Variants in LRRIQ1 observed in about 807,000 individuals in gnomAD.
LRRIQ1 encodes leucine-rich repeat- and IQ domain-containing protein 1.
LRRIQ1 carries 210 observed loss-of-function variants against 211.9 expected under a neutral mutation model. The observed-to-expected ratio is 0.99, with a 90% CI of 0.89 to 1.11. LRRIQ1 has a LOEUF of 1.11. Ranked by LOEUF, LRRIQ1 falls within the 50% of genes most tolerant of loss-of-function variation. The pLI is 0.00. For missense variants in LRRIQ1, 2,136 were observed against 1,939.5 expected, an observed-to-expected ratio of 1.10 and a Z score of -1.90; for synonymous variants, 699 against 650.1, an observed-to-expected ratio of 1.08 and a Z score of -1.14.
At chr12:85,194,401 A>C (rs1393541783) in intron 24 of LRRIQ1, among the ~76,000 whole-genome samples, 2 of 144,586 alleles carry the variant, frequency 1.4e-5, no homozygotes, top group Admixed American at 7.1e-5. Context: ...CACCTATTCC[A>C]AAATTGACCA....
At chr12:85,270,572 G>C in the LRRIQ1 span, among the ~76,000 whole-genome samples, 1 of 151,950 alleles carries the variant, frequency 6.6e-6, no homozygotes. Flanking sequence ...AGTTGAATCT[G>C]TTTCTGCTTT....
downstream of LRRIQ1, among the ~76,000 whole-genome samples, chr12:85,267,530 G>A (rs151032383): frequency 1.9e-4 from 29 of 152,090 alleles, no homozygotes; most frequent in Non-Finnish European, 3.8e-4. Context: ...ACTTTCATAT[G>A]GATGTGAGGT....
intron 24 of LRRIQ1, among the ~76,000 whole-genome samples, chr12:85,211,667 C>T (rs894361219): frequency 3.3e-5 from 5 of 152,034 alleles, no homozygotes; most frequent in African/African-American, 1.2e-4. Flanking sequence ...CACATCTTGC[C>T]TCACATATTG....
At position 85,127,838 on chromosome 12, in the gene LRRIQ1, A is replaced by C. The variant is rs1888477505; in HGVS notation, c.4014A>C (p.Ala1338=). 6.2e-7 allele frequency: 1 copy of C among 1,613,686 alleles called. No homozygotes were observed. ...TTTTTTCTCCTCTTAATAGTATGGC[A>C]GCTGTGGTAATCCAGTCATACTGGC... is the stretch of plus-strand genomic sequence containing the variant. The part of the protein sequence containing the change: ...QNIEPSEKIM[A]AVVIQSYWRG... The change falls in exon 18 of 27, where the codon GCA becomes GCC. Residue 1338 remains alanine (A), a synonymous_variant. Coordinates refer to ENST00000393217, the MANE Select transcript of LRRIQ1 (RefSeq NM_001079910.2).
intron 24 of LRRIQ1, among the ~76,000 whole-genome samples, chr12:85,187,670 G>A (rs2660451): frequency 0.017 from 2,552 of 151,870 alleles, 64 homozygotes; most frequent in African/African-American, 0.058. Flanking sequence ...ATAGCTGGGC[G>A]TGGTGGCTCA....
At chr12:85,162,489 C>T (rs1233101849) in intron 24 of LRRIQ1, among the ~76,000 whole-genome samples, 1 of 152,036 alleles carries the variant, frequency 6.6e-6, no homozygotes, top group Non-Finnish European at 1.5e-5. Context: ...GTGTTTTTAT[C>T]CTTTAATTTA....
At chr12:85,055,185 C>T (rs1458870877) in intron 7 of LRRIQ1, among the ~76,000 whole-genome samples, 2 of 151,930 alleles carry the variant, frequency 1.3e-5, no homozygotes, top group Non-Finnish European at 2.9e-5. Context: ...GTTTGAAGTC[C>T]TTTTCTTTTA....
chr12:85,234,222 G>A (rs1418749056), intron 26 of LRRIQ1, among the ~76,000 whole-genome samples: 1 of 152,080 alleles, frequency 6.6e-6, no homozygotes, highest in Non-Finnish European at 1.5e-5. Flanking sequence ...GGATGTCAGA[G>A]TGAGACTCTC....
chr12:85,162,634 G>A (rs1039194146), intron 24 of LRRIQ1: 1 of 396,176 alleles, frequency 2.5e-6, no homozygotes, highest in Admixed American at 3.1e-5. Context: ...ATTGAATTGT[G>A]TACTGGTATA....
In LRRIQ1 at chr12:85,046,096, C is replaced by A. The variant is rs200257302; in HGVS notation, c.413C>A (p.Pro138His). ...DCATPDFVPE[P>H]SPHDLPMDEH... ...GCCACTCCTGATTTTGTTCCTGAGCCTAGTCCTCATGACTTGCCTATGGAT... is the reference window on the plus strand; with the variant it reads ...GCCACTCCTGATTTTGTTCCTGAGCATAGTCCTCATGACTTGCCTATGGAT... Residue 138 changes from proline to histidine, a missense_variant, in exon 5 of 27, where the codon CCT becomes CAT. Physicochemically the swap from Pro to His is moderately conservative, Grantham distance 77. Transcript: ENST00000393217. 1 of 1,610,404 alleles carries A rather than the reference C, an allele frequency of 6.2e-7. No homozygotes were observed. The highest frequency in any genetic ancestry group is 2.2e-5 in the East Asian group (1 of 44,706).
intron 24 of LRRIQ1, among the ~76,000 whole-genome samples, chr12:85,208,291 C>A (rs1893664430): frequency 6.6e-6 from 1 of 151,960 alleles, no homozygotes; most frequent in Non-Finnish European, 1.5e-5. Context: ...TAAGTTATTG[C>A]TGAGAATTAT....
chr12:85,191,720 G>A (rs531839214), intron 24 of LRRIQ1, among the ~76,000 whole-genome samples: 1 of 151,954 alleles, frequency 6.6e-6, no homozygotes, highest in Non-Finnish European at 1.5e-5. Context: ...GTTTAGTTTT[G>A]TAAGAAATGG....
chr12:85,073,863 G>T (rs146036836), intron 11 of LRRIQ1, among the ~76,000 whole-genome samples: 113 of 152,122 alleles, frequency 7.4e-4, no homozygotes, highest in African/African-American at 2.6e-3. Context: ...GAAAAGCATA[G>T]ATTTTGTCTT....
intron 19 of LRRIQ1, among the ~76,000 whole-genome samples, chr12:85,144,744 G>C (rs772080550): frequency 1.6e-4 from 25 of 151,614 alleles, no homozygotes; most frequent in Non-Finnish European, 3.5e-4. Context: ...TTTATTTCAA[G>C]TGTGATAGAA....
At position 85,056,954 on chromosome 12, in the gene LRRIQ1, G is replaced by C; in HGVS notation, c.2161G>C (p.Glu721Gln). Reference sequence around the variant, plus strand: ...AGAAAAATGCCATGAAAATGCACCTGAACCTGATAGCATGACCTGCTGTGT... The same window carrying C: ...AGAAAAATGCCATGAAAATGCACCTCAACCTGATAGCATGACCTGCTGTGT... ...ISEKCHENAP[E>Q]PDSMTCCVSE... Residue 721 changes from glutamate to glutamine, a missense_variant, in exon 8 of 27, where the codon GAA becomes CAA. By Grantham distance (29) the Glu-to-Gln change is conservative. Transcript: ENST00000393217. 5 of 1,612,418 alleles carry C rather than the reference G, an allele frequency of 3.1e-6. No individual in the cohort carries two copies. Among genetic ancestry groups the C allele is most frequent in the Non-Finnish European group, 4.2e-6 (5 of 1,179,232 alleles).
At chr12:85,087,926 C>T (rs981981657) in intron 11 of LRRIQ1, among the ~76,000 whole-genome samples, 12 of 152,256 alleles carry the variant, frequency 7.9e-5, no homozygotes, top group East Asian at 3.9e-4. Flanking sequence ...GTTTCTTTTG[C>T]GATGCAGAAG....
chr12:85,086,030 A>T (rs1426759782), intron 11 of LRRIQ1, among the ~76,000 whole-genome samples: 1 of 152,146 alleles, frequency 6.6e-6, no homozygotes, highest in Non-Finnish European at 1.5e-5. Flanking sequence ...CAGTCACTGA[A>T]CTAATTCACG....
chr12:85,118,370 A>G (rs750366639), intron 15 of LRRIQ1, among the ~76,000 whole-genome samples: 49 of 152,274 alleles, frequency 3.2e-4, no homozygotes, highest in Non-Finnish European at 5.4e-4. Context: ...CCTTGAAGAA[A>G]CAAATCCAGT....
At chr12:85,123,229 A>G (rs1245701431) in intron 16 of LRRIQ1, among the ~76,000 whole-genome samples, 1 of 152,054 alleles carries the variant, frequency 6.6e-6, no homozygotes, top group Non-Finnish European at 1.5e-5. Flanking sequence ...ACATTTTTGG[A>G]AATAATTGTA....
Sources: allele counts gnomAD v4.1 joint callset (sites outside exome capture counted in the v4.1 genomes callset), GRCh38; gene constraint gnomAD v4.1.1; transcripts MANE v1.5; gene names NCBI Gene and HGNC (gene_info 2026-07-23, HGNC 2026-07-21).